The following BOLA3 variants were observed in gnomAD, a reference collection of about 807,000 sequenced individuals.
BOLA3 encodes bolA-like protein 3.
BOLA3 carries 8 observed loss-of-function variants against 14.5 expected under a neutral mutation model. The observed-to-expected ratio is 0.55, with a 90% confidence interval of 0.32 to 0.99. The LOEUF is 0.99. BOLA3 is among the 50% of genes least tolerant of loss of function. BOLA3 has a pLI of 0.04. For missense variants in BOLA3, 115 were observed against 138.2 expected, an observed-to-expected ratio of 0.83 and a Z score of 0.84; for synonymous variants, 42 against 45.7, an observed-to-expected ratio of 0.92 and a Z score of 0.33.
chr2:74,147,507 C>G, intron 1 of BOLA3: 1 of 421,724 alleles, frequency 2.4e-6, no homozygotes, highest in Non-Finnish European at 4.3e-6. Context: ...GTCTTCTGCT[C>G]GGTAAACCAA....
At chr2:74,139,337 A>G (rs1170217358) in intron 3 of BOLA3, among the ~76,000 whole-genome samples, 2 of 152,094 alleles carry the variant, frequency 1.3e-5, no homozygotes, top group African/African-American at 4.8e-5. Flanking sequence ...CCCCGTCAGG[A>G]CACCAGGCCC....
intron 2 of BOLA3, among the ~76,000 whole-genome samples, chr2:74,144,593 C>G (rs548866992): frequency 6.6e-6 from 1 of 152,216 alleles, no homozygotes; most frequent in Non-Finnish European, 1.5e-5. Context: ...CCAGCCTGCT[C>G]CTAACACACT....
chr2:74,135,697 G>T (rs1692311556), intron 3 of BOLA3, 39 bp from the exon 4 acceptor site: 1 of 1,370,032 alleles, frequency 7.3e-7, no homozygotes. Context: ...TTGTGTATTT[G>T]ACGTTGATTA....
intron 3 of BOLA3, among the ~76,000 whole-genome samples, chr2:74,138,341 T>C (rs1209424455): frequency 6.6e-6 from 1 of 152,200 alleles, no homozygotes; most frequent in African/African-American, 2.4e-5. Flanking sequence ...AAAGTAGCAT[T>C]AAGTCCAACA....
intron 3 of BOLA3, among the ~76,000 whole-genome samples, chr2:74,139,437 G>A (rs1692396299): frequency 6.6e-6 from 1 of 151,722 alleles, no homozygotes; most frequent in Non-Finnish European, 1.5e-5. Flanking sequence ...GGCCCTGGGA[G>A]TGGAGTCCAG....
chr2:74,142,654 T>C (rs1200958272), intron 2 of BOLA3, among the ~76,000 whole-genome samples: 1 of 152,120 alleles, frequency 6.6e-6, no homozygotes. Flanking sequence ...CTAGGGAGTG[T>C]AGAGTGTTTC....
intron 1 of BOLA3, 117 bp from the exon 2 acceptor site, chr2:74,145,420 C>T (rs1055710996): frequency 2.3e-5 from 17 of 738,048 alleles, no homozygotes; most frequent in Non-Finnish European, 3.2e-5. Flanking sequence ...GAGCCCTCGC[C>T]AGCACAGCCA....
At chr2:74,137,791 C>G (rs1331258920) in intron 3 of BOLA3, among the ~76,000 whole-genome samples, 1 of 152,164 alleles carries the variant, frequency 6.6e-6, no homozygotes, top group Non-Finnish European at 1.5e-5. Flanking sequence ...TCCAGCTCCA[C>G]AATCAAGTGC....
intron 3 of BOLA3, among the ~76,000 whole-genome samples, chr2:74,139,235 G>A (rs566048862): frequency 6.6e-5 from 10 of 152,288 alleles, no homozygotes; most frequent in African/African-American, 2.4e-4. Context: ...GACCTTTTCA[G>A]GCCTTTTGGG....
At chr2:74,145,503 T>C (rs1692527134) in intron 1 of BOLA3, 200 bp from the exon 2 acceptor site, 5 of 602,438 alleles carry the variant, frequency 8.3e-6, no homozygotes, top group East Asian at 2.8e-5. Flanking sequence ...TAAACTTTTA[T>C]TGGCGGGGAC....
At chr2:74,140,073 CAGG>C (rs1692410531) in intron 3 of BOLA3, among the ~76,000 whole-genome samples, 2 of 152,152 alleles carry the variant, frequency 1.3e-5, no homozygotes, top group Non-Finnish European at 2.9e-5. Flanking sequence ...CACCTGAAGT[CAGG>C]AGTTCGAGAC....
At chr2:74,143,576 A>G (rs1255303536) in intron 2 of BOLA3, among the ~76,000 whole-genome samples, 1 of 152,136 alleles carries the variant, frequency 6.6e-6, no homozygotes, top group Non-Finnish European at 1.5e-5. Flanking sequence ...AGCTGAGTCA[A>G]GCTCTAACTC....
At chr2:74,141,516 G>A (rs1028365894) in intron 3 of BOLA3, among the ~76,000 whole-genome samples, 3 of 152,076 alleles carry the variant, frequency 2.0e-5, no homozygotes, top group Non-Finnish European at 2.9e-5. Context: ...GAAAGAGAGA[G>A]ACCAGCGGGC....
intron 3 of BOLA3, among the ~76,000 whole-genome samples, chr2:74,140,109 C>A (rs1410503185): frequency 6.6e-6 from 1 of 152,142 alleles, no homozygotes; most frequent in Non-Finnish European, 1.5e-5. Context: ...CATGGTGAAA[C>A]CCCATCTCTA....
chr2:74,139,431 C>T (rs187472972), intron 3 of BOLA3, among the ~76,000 whole-genome samples: 1 of 152,022 alleles, frequency 6.6e-6, no homozygotes, highest in East Asian at 1.9e-4. Context: ...CCAGCTGGCC[C>T]TGGGAGTGGA....
chr2:74,146,493 G>A (rs1692548349), intron 1 of BOLA3: 1 of 152,406 alleles, frequency 6.6e-6, no homozygotes, highest in African/African-American at 2.4e-5. Flanking sequence ...TAGAACCCAG[G>A]CTCATGGGAC....
intron 2 of BOLA3, among the ~76,000 whole-genome samples, chr2:74,142,805 C>T (rs1361563116): frequency 6.6e-6 from 1 of 152,184 alleles, no homozygotes; most frequent in African/African-American, 2.4e-5. Flanking sequence ...GTAATACTGT[C>T]CAAAGAAAGG....
At position 74,135,420 on chromosome 2, in the gene BOLA3, T is replaced by C. The variant is rs1453325260; in HGVS notation, c.*173A>G. 9.1e-7 allele frequency: 1 copy of C among 1,101,022 alleles called. No individual in the cohort carries two copies. Among genetic ancestry groups the C allele is most frequent in the Non-Finnish European group, 1.4e-6 (1 of 740,014 alleles). The allele number at this position is 1,101,022 out of a possible 1,614,324, so 68.2% of individuals were successfully genotyped here. A position where few individuals can be genotyped will look rare whatever the true frequency, so the allele number is the denominator to read the frequency against. On this transcript the variant is annotated 3_prime_UTR_variant, in exon 4 of 4. Coordinates refer to ENST00000327428, the MANE Select transcript of BOLA3 (RefSeq NM_212552.3). ...ACTAATGACCCTTCAAAAGCTTCAG[T>C]TGTTTGTTTCCTTTAATTAACATCT...
chr2:74,143,568 C>G (rs1692486825), intron 2 of BOLA3, among the ~76,000 whole-genome samples: 1 of 152,192 alleles, frequency 6.6e-6, no homozygotes, highest in Non-Finnish European at 1.5e-5. Flanking sequence ...AGAGCCACAG[C>G]TGAGTCAAGC....
Sources: gnomAD v4.1 joint callset for allele counts (sites outside exome capture counted in the v4.1 genomes callset) on GRCh38, gnomAD v4.1.1 for gene constraint, MANE v1.5 for transcripts, NCBI Gene and HGNC (gene_info 2026-07-23, HGNC 2026-07-21) for gene names.